LRRC4C: variants seen among roughly 807,000 people sequenced by gnomAD.
LRRC4C encodes leucine rich repeat containing 4C.
LRRC4C carries 5 observed loss-of-function variants against 33.6 expected under a neutral mutation model. The observed-to-expected ratio is 0.15, with a 90% CI of 0.08 to 0.31. The LOEUF (loss-of-function observed/expected upper bound fraction) is 0.31, where lower values mean the gene tolerates loss of function less well. Among genes scored for constraint, LRRC4C ranks in the 10% least tolerant of loss-of-function variants. The pLI, the probability that LRRC4C is intolerant of heterozygous loss-of-function variation, is 1.00. For synonymous variants in LRRC4C, 329 were observed against 302.0 expected (o/e 1.09, Z -0.93); for missense variants, 560 against 796.7 (o/e 0.70, Z 3.58).
chr11:40,717,665 C>T (rs1564971646), intron 2 of LRRC4C, among the ~76,000 whole-genome samples: 1 of 152,022 alleles, frequency 6.6e-6, no homozygotes, highest in African/African-American at 2.4e-5. Context: ...CACAGGTTTA[C>T]CCCGTGTAGT....
At chr11:40,528,103 T>A (rs1433296993) in intron 3 of LRRC4C, among the ~76,000 whole-genome samples, 1 of 151,932 alleles carries the variant, frequency 6.6e-6, no homozygotes, top group Non-Finnish European at 1.5e-5. Context: ...AGAATATAAA[T>A]AACATGAAAA....
chr11:41,075,027 T>TTTTTTTATTTTA (rs1939024313), intron 1 of LRRC4C, among the ~76,000 whole-genome samples: 3 of 102,976 alleles, frequency 2.9e-5, no homozygotes, highest in South Asian at 2.8e-4. Context: ...TTTTTTTTTT[T>TTTTTTTATTTTA]TTTTTTTTTA....
intron 2 of LRRC4C, among the ~76,000 whole-genome samples, chr11:40,877,682 C>A (rs1954972729): frequency 6.6e-6 from 1 of 152,152 alleles, no homozygotes; most frequent in Admixed American, 6.6e-5. Flanking sequence ...CGGTTAGCCA[C>A]TAAGAATGAT....
intron 1 of LRRC4C, among the ~76,000 whole-genome samples, chr11:41,200,353 C>T (rs1321834238): frequency 6.6e-6 from 1 of 152,014 alleles, no homozygotes; most frequent in African/African-American, 2.4e-5. Context: ...TTTAGTCTAC[C>T]AAGGCTTTCT....
intron 1 of LRRC4C, among the ~76,000 whole-genome samples, chr11:41,280,933 C>G (rs1261682800): frequency 6.6e-6 from 1 of 152,068 alleles, no homozygotes; most frequent in Non-Finnish European, 1.5e-5. Context: ...GTCTGAGGTA[C>G]ACTCTCGTCA....
chr11:40,316,909 T>A (rs1215301298), intron 4 of LRRC4C, among the ~76,000 whole-genome samples: 1 of 133,858 alleles, frequency 7.5e-6, no homozygotes, highest in African/African-American at 2.8e-5. Flanking sequence ...AGTTACCAGG[T>A]TTTTTAAAAA....
intron 3 of LRRC4C, among the ~76,000 whole-genome samples, chr11:40,574,940 C>CA (rs961924189): frequency 6.6e-6 from 1 of 152,068 alleles, no homozygotes; most frequent in African/African-American, 2.4e-5. Context: ...CCCTGATAGC[C>CA]AGAGTGTTGT....
At chr11:40,291,141 A>T (rs563282748) in intron 4 of LRRC4C, among the ~76,000 whole-genome samples, 2 of 152,054 alleles carry the variant, frequency 1.3e-5, no homozygotes, top group African/African-American at 2.4e-5. Context: ...ATTCTGATAG[A>T]AGGCCCCAGA....
intron 1 of LRRC4C, among the ~76,000 whole-genome samples, chr11:41,302,224 A>C (rs1463569827): frequency 1.3e-5 from 2 of 152,200 alleles, no homozygotes; most frequent in Non-Finnish European, 2.9e-5. Context: ...GAAATTGACT[A>C]TCACCTCAAA....
At chr11:41,176,510 G>A (rs1169008038) in intron 1 of LRRC4C, among the ~76,000 whole-genome samples, 1 of 152,074 alleles carries the variant, frequency 6.6e-6, no homozygotes, top group African/African-American at 2.4e-5. Flanking sequence ...CAAATGTCAG[G>A]TGTAGTTCTA....
At chr11:41,394,687 T>C (rs868643015) in intron 1 of LRRC4C, 2 of 151,974 alleles carry the variant, frequency 1.3e-5, no homozygotes, top group African/African-American at 4.8e-5. Flanking sequence ...CTACTGGCTA[T>C]TATTATGGTG....
At chr11:40,828,869 C>A (rs561918613) in intron 2 of LRRC4C, among the ~76,000 whole-genome samples, 1 of 151,478 alleles carries the variant, frequency 6.6e-6, no homozygotes, top group East Asian at 1.9e-4. Context: ...CAAAACTACC[C>A]GAGCCATAAA....
chr11:40,603,058 A>G (rs928922539), intron 3 of LRRC4C, among the ~76,000 whole-genome samples: 2 of 152,182 alleles, frequency 1.3e-5, no homozygotes, highest in African/African-American at 4.8e-5. Flanking sequence ...CCTGAGTCAC[A>G]AAAGTCACTC....
chr11:40,938,018 T>C (rs1223210553), intron 1 of LRRC4C, among the ~76,000 whole-genome samples: 3 of 152,172 alleles, frequency 2.0e-5, no homozygotes, highest in Non-Finnish European at 4.4e-5. Flanking sequence ...GTAATAGCAG[T>C]AATTCTCTCT....
intron 1 of LRRC4C, among the ~76,000 whole-genome samples, chr11:41,438,377 T>C (rs1309301292): frequency 6.6e-6 from 1 of 152,034 alleles, no homozygotes; most frequent in African/African-American, 2.4e-5. Flanking sequence ...AATTAACAAA[T>C]ATAATAATAC....
At chr11:41,000,301 T>C (rs11036183) in intron 1 of LRRC4C, among the ~76,000 whole-genome samples, 23,017 of 152,158 alleles carry the variant, frequency 0.15, 1,881 homozygotes, top group Middle Eastern at 0.22. Context: ...TGAAAAGATT[T>C]TGAAAGGCTT....
chr11:40,949,510 C>T (rs12795364), intron 1 of LRRC4C, among the ~76,000 whole-genome samples: 8,340 of 152,016 alleles, frequency 0.055, 379 homozygotes, highest in Admixed American at 0.15. Flanking sequence ...AGACTAACAG[C>T]GGATCTCTCG....
chr11:40,448,587 T>G (rs1203683102), intron 3 of LRRC4C, among the ~76,000 whole-genome samples: 1 of 152,194 alleles, frequency 6.6e-6, no homozygotes, highest in Non-Finnish European at 1.5e-5. Flanking sequence ...AACTCATCCT[T>G]TTTTACAGCT....
At chr11:40,719,166 G>GATCACA (rs1946880025) in intron 2 of LRRC4C, among the ~76,000 whole-genome samples, 1 of 152,150 alleles carries the variant, frequency 6.6e-6, no homozygotes, top group Admixed American at 6.5e-5. Context: ...AAAGATAAAG[G>GATCACA]CTTACAATTT....
Sources: gnomAD v4.1 joint callset for allele counts (sites outside exome capture counted in the v4.1 genomes callset) on GRCh38, gnomAD v4.1.1 for gene constraint, MANE v1.5 for transcripts, NCBI Gene and HGNC (gene_info 2026-07-23, HGNC 2026-07-21) for gene names.